The following ADAMTS17 variants were observed in gnomAD, a reference collection of about 807,000 sequenced individuals.
ADAMTS17 encodes the protein ADAM metallopeptidase with thrombospondin type 1 motif 17, also known as A disintegrin and metalloproteinase with thrombospondin motifs 17.
Under a neutral mutation model 141.5 loss-of-function variants are expected in ADAMTS17, and 113 were observed. That is an observed-to-expected ratio of 0.80 (90% CI 0.69 to 0.93). The LOEUF is 0.93. Among genes scored for constraint, ADAMTS17 ranks in the 40% least tolerant of loss-of-function variants. The pLI is 0.00. For synonymous variants in ADAMTS17, 768 were observed against 630.6 expected (o/e 1.22, Z -3.27); for missense variants, 1,659 against 1,517.9 (o/e 1.09, Z -1.54).
chr15:100,234,299 G>A (rs193227090), intron 7 of ADAMTS17, among the ~76,000 whole-genome samples: 169 of 152,306 alleles, frequency 1.1e-3, no homozygotes, highest in Non-Finnish European at 1.7e-3. Context: ...TTTCCACGAG[G>A]CAGACAGGCA....
At chr15:100,340,715 T>A (rs897120549) in intron 2 of ADAMTS17, among the ~76,000 whole-genome samples, 1 of 152,172 alleles carries the variant, frequency 6.6e-6, no homozygotes, top group Non-Finnish European at 1.5e-5. Flanking sequence ...AAGGCGCCTC[T>A]GTCCAGGGCC....
At chr15:100,097,258 A>G (rs925175986) in intron 14 of ADAMTS17, among the ~76,000 whole-genome samples, 2 of 152,184 alleles carry the variant, frequency 1.3e-5, no homozygotes, top group African/African-American at 4.8e-5. Context: ...ACATTGCCTA[A>G]ATGTCCCTCC....
chr15:99,996,890 G>GTTAAGAC (rs1326174495), intron 19 of ADAMTS17, among the ~76,000 whole-genome samples: 3 of 152,092 alleles, frequency 2.0e-5, no homozygotes, highest in African/African-American at 7.2e-5. Flanking sequence ...AACCTTCAAA[G>GTTAAGAC]TTAAGACTTA....
In ADAMTS17 at chr15:100,158,576, C is replaced by T. The variant is rs145037711; in HGVS notation, c.1182-3256G>A. ...TCCACTGAAACTCGATGCTTACTGA[C>T]GAGCAGCTCCCCCTTCCTCCTCCCT... On this transcript the variant is annotated intron_variant, in intron 8 of 21. Coordinates refer to ENST00000268070, the MANE Select transcript of ADAMTS17 (RefSeq NM_139057.4). Among the ~76,000 whole-genome samples the T allele has an allele frequency of 3.1e-3, 469 of 151,732 alleles. 4 individuals carry two copies. The highest frequency in any genetic ancestry group is 0.011 in the African/African-American group (441 of 41,308).
At chr15:100,026,689 G>A (rs2061521204) in intron 18 of ADAMTS17, among the ~76,000 whole-genome samples, 1 of 152,206 alleles carries the variant, frequency 6.6e-6, no homozygotes, top group Non-Finnish European at 1.5e-5. Flanking sequence ...TGCTGCCCGA[G>A]GCACAGGCAT....
intron 9 of ADAMTS17, among the ~76,000 whole-genome samples, chr15:100,154,548 G>A (rs1331299690): frequency 1.3e-5 from 2 of 152,172 alleles, no homozygotes; most frequent in Non-Finnish European, 1.5e-5. Context: ...ACCAGGGCCT[G>A]CACAGTCACT....
chr15:100,118,256 TAA>T (rs1456019805), intron 12 of ADAMTS17, among the ~76,000 whole-genome samples: 2 of 152,216 alleles, frequency 1.3e-5, no homozygotes, highest in African/African-American at 4.8e-5. Flanking sequence ...TGTGTCCCAA[TAA>T]AACTTTATAA....
chr15:100,153,512 G>C (rs113201502), intron 9 of ADAMTS17, among the ~76,000 whole-genome samples: 8,273 of 152,194 alleles, frequency 0.054, 381 homozygotes, highest in South Asian at 0.18. Context: ...CATGGTTGTA[G>C]TCCCACCTGT....
At position 100,040,679 on chromosome 15, in the gene ADAMTS17, C is replaced by CAA. The variant is rs113073664; in HGVS notation, c.2591+8176_2591+8177dup. On this transcript the variant is annotated intron_variant, in intron 18 of 21. Transcript: ENST00000268070. ...TCAAACGAAGGGATGGTCAAATGAC[C>CAA]AAAAAAAAAAAAAAACCTCTGAAAA... 3.4e-3 allele frequency among the ~76,000 whole-genome samples: 352 copies of CAA among 102,676 alleles called. 3 individuals carry two copies. The highest frequency in any genetic ancestry group is 8.8e-3 in the African/African-American group (303 of 34,328). The allele number at this position is 102,676 out of a possible 152,430, so 67.4% of individuals were successfully genotyped here.
At chr15:100,089,731 G>A (rs928617429) in intron 15 of ADAMTS17, among the ~76,000 whole-genome samples, 1 of 149,570 alleles carries the variant, frequency 6.7e-6, no homozygotes, top group Admixed American at 6.8e-5. Context: ...CTATCACAAG[G>A]ACAAAAAACC....
intron 8 of ADAMTS17, among the ~76,000 whole-genome samples, chr15:100,174,682 T>G (rs1385484764): frequency 1.3e-5 from 2 of 152,192 alleles, no homozygotes; most frequent in African/African-American, 4.8e-5. Flanking sequence ...AAAAATATAT[T>G]CTTTTGGCTG....
chr15:100,142,465 G>C lies in ADAMTS17; in HGVS notation c.1474-9150C>G, dbSNP rs982117193. On this transcript the variant is annotated intron_variant, in intron 10 of 21. Transcript: ENST00000268070. Reference sequence around the variant, plus strand: ...TCTCAGCTAAACAGTGTTTCCTCCTGTCCCTCTGGCTCCAGGCGACAAGGA... The same window carrying C: ...TCTCAGCTAAACAGTGTTTCCTCCTCTCCCTCTGGCTCCAGGCGACAAGGA... Among the ~76,000 whole-genome samples, 3 of 152,160 alleles carry C rather than the reference G, an allele frequency of 2.0e-5. No individual in the cohort carries two copies. In the East Asian group the frequency reaches 5.8e-4, roughly 29 times the overall value.
chr15:100,158,818 A>G (rs1474241315), intron 8 of ADAMTS17, among the ~76,000 whole-genome samples: 1 of 152,234 alleles, frequency 6.6e-6, no homozygotes, highest in Non-Finnish European at 1.5e-5. Flanking sequence ...AAGACTTGAG[A>G]AGACGTTTCT....
intron 8 of ADAMTS17, among the ~76,000 whole-genome samples, chr15:100,185,016 G>C (rs185260338): frequency 6.6e-6 from 1 of 152,186 alleles, no homozygotes; most frequent in Non-Finnish European, 1.5e-5. Flanking sequence ...CCTGGGCCAA[G>C]AGCGCCTGCC....
intron 15 of ADAMTS17, 70 bp downstream of exon 15, chr15:100,096,286 T>A (rs2035751045): frequency 6.2e-7 from 1 of 1,604,384 alleles, no homozygotes; most frequent in Admixed American, 1.7e-5. Flanking sequence ...TAGGGAAGAC[T>A]GCAATCAATA....
At chr15:100,065,128 A>G (rs182827717) in intron 15 of ADAMTS17, among the ~76,000 whole-genome samples, 101 of 152,356 alleles carry the variant, frequency 6.6e-4, no homozygotes, top group Admixed American at 8.5e-4. Flanking sequence ...CAAACAACAT[A>G]CAGCAGAAAA....
At chr15:100,026,643 G>A (rs1362999954) in intron 18 of ADAMTS17, among the ~76,000 whole-genome samples, 2 of 152,196 alleles carry the variant, frequency 1.3e-5, no homozygotes, top group African/African-American at 2.4e-5. Flanking sequence ...CTGGGTCTGG[G>A]GGACAATGGC....
chr15:100,083,348 G>A (rs536634306), intron 15 of ADAMTS17, among the ~76,000 whole-genome samples: 2 of 152,310 alleles, frequency 1.3e-5, no homozygotes, highest in South Asian at 4.1e-4. Flanking sequence ...GATCTAGGAG[G>A]CACTTTTACT....
chr15:100,236,032 A>G (rs1036796819), intron 7 of ADAMTS17, among the ~76,000 whole-genome samples: 1 of 152,154 alleles, frequency 6.6e-6, no homozygotes, highest in African/African-American at 2.4e-5. Flanking sequence ...GATTCCTTGC[A>G]TGACAGTCAA....
Sources: gnomAD v4.1 joint callset for allele counts (sites outside exome capture counted in the v4.1 genomes callset) on GRCh38, gnomAD v4.1.1 for gene constraint, MANE v1.5 for transcripts, NCBI Gene and HGNC (gene_info 2026-07-23, HGNC 2026-07-21) for gene names.